The following DMRT1 variants were observed in gnomAD, a reference collection of about 807,000 sequenced individuals.
DMRT1 encodes the protein doublesex- and mab-3-related transcription factor 1.
DMRT1 carries 7 observed loss-of-function variants against 32.3 expected under a neutral mutation model. The observed-to-expected ratio is 0.22, with a 90% CI of 0.12 to 0.41. DMRT1 has a LOEUF of 0.41. Among genes scored for constraint, DMRT1 ranks in the 10% least tolerant of loss-of-function variants. The pLI, the probability that DMRT1 is intolerant of heterozygous loss-of-function variation, is 1.00. For missense variants in DMRT1, 625 were observed against 500.5 expected (o/e 1.25, Z -2.37); for synonymous variants, 278 against 206.1 (o/e 1.35, Z -2.99).
chr9:850,235 G>C (rs2132550152), intron 2 of DMRT1, among the ~76,000 whole-genome samples: 1 of 152,282 alleles, frequency 6.6e-6, no homozygotes, highest in Non-Finnish European at 1.5e-5. Context: ...TCTGGACTGA[G>C]TTAGGATGTG....
At chr9:909,934 C>A (rs1817914497) in intron 3 of DMRT1, among the ~76,000 whole-genome samples, 2 of 152,112 alleles carry the variant, frequency 1.3e-5, no homozygotes, top group South Asian at 4.2e-4. Context: ...GACTGTTCTC[C>A]AACCCCCGGG....
chr9:845,748 C>G (rs1838876636), intron 1 of DMRT1, among the ~76,000 whole-genome samples: 2 of 148,666 alleles, frequency 1.3e-5, no homozygotes, highest in African/African-American at 4.9e-5. Flanking sequence ...GGAATCAGGG[C>G]TCTGCAGGCT....
intron 2 of DMRT1, among the ~76,000 whole-genome samples, chr9:878,200 G>GACCCCC (rs149257815): frequency 2.1e-5 from 2 of 94,038 alleles, no homozygotes; most frequent in East Asian, 3.6e-4. Flanking sequence ...TGCAGCTGCT[G>GACCCCC]CCCCCCCCCC....
intron 3 of DMRT1, among the ~76,000 whole-genome samples, chr9:895,388 T>C (rs997326830): frequency 6.6e-6 from 1 of 152,130 alleles, no homozygotes; most frequent in Non-Finnish European, 1.5e-5. Context: ...GTGAAAGACA[T>C]TAGGATTCTG....
intron 4 of DMRT1, among the ~76,000 whole-genome samples, chr9:941,708 A>G (rs183070898): frequency 1.4e-4 from 21 of 152,272 alleles, no homozygotes; most frequent in African/African-American, 4.8e-4. Flanking sequence ...GTTTACATGT[A>G]TTTCACCACC....
intron 2 of DMRT1, among the ~76,000 whole-genome samples, chr9:882,769 T>C: frequency 6.7e-6 from 1 of 148,962 alleles, no homozygotes; most frequent in South Asian, 2.2e-4. Context: ...TCTTTTTTTT[T>C]TTTTTTTTTT....
intron 3 of DMRT1, among the ~76,000 whole-genome samples, chr9:902,038 T>G (rs1355493595): frequency 2.7e-5 from 4 of 150,786 alleles, no homozygotes; most frequent in Admixed American, 6.6e-5. Context: ...GCGTCCTGAG[T>G]AGCTGGGATT....
At chr9:935,029 G>A (rs1318770559) in intron 4 of DMRT1, among the ~76,000 whole-genome samples, 1 of 152,188 alleles carries the variant, frequency 6.6e-6, no homozygotes, top group Non-Finnish European at 1.5e-5. Context: ...GGTAACCAGG[G>A]AAGGGAATCC....
At chr9:883,708 C>A (rs1816820238) in intron 2 of DMRT1, among the ~76,000 whole-genome samples, 1 of 151,228 alleles carries the variant, frequency 6.6e-6, no homozygotes, top group African/African-American at 2.4e-5. Context: ...AGGAGGATCA[C>A]TTGAGCCTAG....
At chr9:919,696 C>T (rs868730635) in intron 4 of DMRT1, among the ~76,000 whole-genome samples, 1 of 152,068 alleles carries the variant, frequency 6.6e-6, no homozygotes, top group African/African-American at 2.4e-5. Context: ...ACCCTGATGA[C>T]TGTTTTCTTA....
chr9:863,912 C>G (rs1815841994), intron 2 of DMRT1, among the ~76,000 whole-genome samples: 1 of 152,108 alleles, frequency 6.6e-6, no homozygotes, highest in Non-Finnish European at 1.5e-5. Context: ...TCAAGAATTT[C>G]CTTATTTATT....
intron 4 of DMRT1, among the ~76,000 whole-genome samples, chr9:951,290 A>AG (rs560551387): frequency 0.011 from 1,736 of 152,342 alleles, 45 homozygotes; most frequent in African/African-American, 0.04. Context: ...AGAGTTAAAG[A>AG]AAAATGATTT....
intron 4 of DMRT1, among the ~76,000 whole-genome samples, chr9:967,358 A>T (rs1426037026): frequency 6.6e-6 from 1 of 151,950 alleles, no homozygotes; most frequent in Non-Finnish European, 1.5e-5. Context: ...AATTTATCTG[A>T]CTTCTATTTT....
In DMRT1 at chr9:906,196, T is replaced by G. The variant is rs559446006; in HGVS notation, c.823-10567T>G. ...AGGGCTTTTTCCTGCCACCCACAAG[T>G]TGAGTGTGTCCATCAGAGGTCACCA... On this transcript the variant is annotated intron_variant, in intron 3 of 4. Transcript: ENST00000382276. Among the ~76,000 whole-genome samples, 246 of 152,260 alleles carry G rather than the reference T, an allele frequency of 1.6e-3. 1 individual carries two copies. Among genetic ancestry groups the G allele is most frequent in the African/African-American group, 5.6e-3 (233 of 41,554 alleles).
In DMRT1 at chr9:856,569, T is replaced by C. The variant is rs539983090; in HGVS notation, c.538+9426T>C. Among the ~76,000 whole-genome samples, 3 of 152,368 alleles carry C rather than the reference T, an allele frequency of 2.0e-5. No homozygotes were observed. In the East Asian group the frequency reaches 5.8e-4, roughly 29 times the overall value. On this transcript the variant is annotated intron_variant, in intron 2 of 4. Transcript: ENST00000382276. The stretch of plus-strand genomic sequence containing the variant: ...CCATGTTGTAGCATGTATTTTTAAT[T>C]ATTATTGTTCCTTTATATTAGTAAT...
chr9:874,801 C>CT (rs71327354), intron 2 of DMRT1, among the ~76,000 whole-genome samples: 3,772 of 76,912 alleles, frequency 0.049, 211 homozygotes, highest in Non-Finnish European at 0.064. Context: ...ACAAGTTAAT[C>CT]TTTTTTTTTT....
intron 3 of DMRT1, among the ~76,000 whole-genome samples, chr9:914,490 C>T (rs532678000): frequency 5.1e-5 from 7 of 138,576 alleles, no homozygotes; most frequent in South Asian, 2.4e-4. Context: ...AGGAGAATGA[C>T]GTGAACCTGG....
intron 4 of DMRT1, among the ~76,000 whole-genome samples, chr9:927,219 C>G (rs778990731): frequency 1.3e-5 from 2 of 152,232 alleles, no homozygotes; most frequent in Admixed American, 1.3e-4. Flanking sequence ...CTTCTTTCGG[C>G]CGGCCGCTGT....
At chr9:922,448 C>T (rs558761875) in intron 4 of DMRT1, among the ~76,000 whole-genome samples, 57 of 151,986 alleles carry the variant, frequency 3.8e-4, no homozygotes, top group African/African-American at 1.4e-3. Context: ...GATGAAGAGA[C>T]AGATCTCCAC....
Sources: gnomAD v4.1 joint callset for allele counts (sites outside exome capture counted in the v4.1 genomes callset) on GRCh38, gnomAD v4.1.1 for gene constraint, MANE v1.5 for transcripts, NCBI Gene and HGNC (gene_info 2026-07-23, HGNC 2026-07-21) for gene names.